PLOD3: variants seen among roughly 807,000 people sequenced by gnomAD.
PLOD3 encodes the protein procollagen-lysine,2-oxoglutarate 5-dioxygenase 3, also known as multifunctional procollagen lysine hydroxylase and glycosyltransferase LH3.
In PLOD3, 73 loss-of-function variants were observed where a neutral mutation model predicts 96.9. The observed-to-expected ratio is 0.75, with a 90% CI of 0.62 to 0.92. The LOEUF (loss-of-function observed/expected upper bound fraction) is 0.92. Ranked by LOEUF, PLOD3 falls within the 40% of genes least tolerant of loss-of-function variation. PLOD3 has a pLI of 0.00. For synonymous variants in PLOD3, 454 were observed against 413.7 expected, an observed-to-expected ratio of 1.10 and a Z score of -1.18; for missense variants, 1,004 against 1,004.3, an observed-to-expected ratio of 1.00 and a Z score of 0.00.
rs1798113705 is a variant in PLOD3 at position 101,207,828 on chromosome 7, G to A, written c.1789-104C>T. The stretch of plus-strand genomic sequence containing the variant: ...CCCGTCCTCCAGCCTTCACACCTGT[G>A]TTCCTCTGTGCAGAACAGTCTTCTT... On this transcript the variant is annotated intron_variant, in intron 16 of 18. Coordinates refer to ENST00000223127, the MANE Select transcript of PLOD3 (RefSeq NM_001084.5). 5.6e-6 allele frequency: 7 copies of A among 1,254,342 alleles called. No homozygotes were observed. The African/African-American group carries it at 5.9e-5, about 11-fold the overall frequency. The allele number at this position is 1,254,342 out of a possible 1,614,324, so 77.7% of individuals were successfully genotyped here. A position where few individuals can be genotyped will look rare whatever the true frequency, so the allele number is the denominator to read the frequency against.
In PLOD3 at chr7:101,211,917, GA is replaced by G; in HGVS notation, c.1160del (p.Phe387SerfsTer27). 2 of 1,610,684 alleles carry G rather than the reference GA, an allele frequency of 1.2e-6. No homozygotes were observed. Among genetic ancestry groups the G allele is most frequent in the Non-Finnish European group, 1.7e-6 (2 of 1,178,770 alleles). ...CAGCGTCGGCGTCCAGGCTGAAGTAGAACTCACACTCGGGGTCCTGCCGACA... is the reference window on the plus strand; with the variant it reads ...CAGCGTCGGCGTCCAGGCTGAAGTAGACTCACACTCGGGGTCCTGCCGACA... ...DLCRQDPECE[F>X]YFSLDADAVL... On this transcript the variant is annotated frameshift_variant, in exon 11 of 19. Coordinates refer to ENST00000223127, the MANE Select transcript of PLOD3 (RefSeq NM_001084.5). LOFTEE classifies it high-confidence loss of function.
intron 12 of PLOD3, chr7:101,211,356 T>G (rs1798177623): frequency 1.9e-6 from 1 of 520,972 alleles, no homozygotes; most frequent in Non-Finnish European, 3.4e-6. Context: ...ATATTTTAAG[T>G]TTTTTGTAGA....
chr7:101,216,841 G>C, intron 1 of PLOD3, 55 bp from the exon 2 acceptor site: 2 of 1,169,490 alleles, frequency 1.7e-6, no homozygotes, highest in Non-Finnish European at 2.5e-6. Flanking sequence ...CGGGCCTCAC[G>C]TGCTTTGCTG....
At chr7:101,208,805 C>T (rs1285596559) in intron 16 of PLOD3, 48 bp downstream of exon 16, 8 of 1,213,400 alleles carry the variant, frequency 6.6e-6, no homozygotes, top group Admixed American at 3.4e-5. Context: ...CCAGATCCTG[C>T]ACCTCCTCCT....
At chr7:101,211,750 G>T (rs2301904) in intron 11 of PLOD3, 34 bp from the exon 12 acceptor site, 1 of 1,596,838 alleles carries the variant, frequency 6.3e-7, no homozygotes, top group East Asian at 2.3e-5. Flanking sequence ...CTGGGCAGAC[G>T]GGAGCAGGCC....
In PLOD3 at chr7:101,217,169, G is replaced by A; in HGVS notation, c.106C>T (p.Pro36Ser). ...CCGGGCCTCCCCGGGATCTCACCTG[G>A]GTTGACCGGGTCTCGGCCCCGGGGC... ...DRPRGRDPVNPEKLLVITVAT... is the reference protein window; with the variant it reads ...DRPRGRDPVNSEKLLVITVAT... The change falls in exon 1 of 19, where the codon CCA (proline) becomes TCA (serine). Residue 36 changes from proline to serine, a missense_variant. Physicochemically the swap from Pro to Ser is moderately conservative, Grantham distance 74 (BLOSUM62 -1). This residue lies in a region of PLOD3 where 690 missense variants were observed against 650.2 expected (regional missense o/e 1.06). Coordinates refer to ENST00000223127, the MANE Select transcript of PLOD3 (RefSeq NM_001084.5). 10 of 1,489,820 alleles carry A rather than the reference G, an allele frequency of 6.7e-6. No individual in the cohort carries two copies. Among genetic ancestry groups the A allele is most frequent in the Non-Finnish European group, 8.9e-6 (10 of 1,121,248 alleles). 92.3% of individuals were successfully genotyped at this position (1,489,820 alleles called of 1,614,324 possible).
At chr7:101,210,838 A>G in intron 12 of PLOD3, 165 bp from the exon 13 acceptor site, 1 of 675,436 alleles carries the variant, frequency 1.5e-6, no homozygotes, top group South Asian at 1.8e-5. Flanking sequence ...ACCTCCCAAA[A>G]TGCGGTCAGT....
Position 101,206,233 on chromosome 7 carries a change from C to T in PLOD3, c.*48G>A, listed in dbSNP as rs757861115. The T allele has an allele frequency of 6.2e-7, 1 of 1,601,122 alleles. No homozygotes were observed. Among genetic ancestry groups the T allele is most frequent in the Non-Finnish European group, 8.6e-7 (1 of 1,168,536 alleles). On this transcript the variant is annotated 3_prime_UTR_variant, in exon 19 of 19. Coordinates refer to ENST00000223127, the MANE Select transcript of PLOD3 (RefSeq NM_001084.5). Reference sequence around the variant, plus strand: ...CAACTCCCAGGACGGGGGCCAGGCCCCCTAAAAAGGCACAATGGCAGGGCA... The same window carrying T: ...CAACTCCCAGGACGGGGGCCAGGCCTCCTAAAAAGGCACAATGGCAGGGCA...
rs976294981 is a variant in PLOD3 at position 101,212,250 on chromosome 7, C to T, written c.1127+3G>A. On this transcript the variant is annotated splice_donor_region_variant and intron_variant, in intron 10 of 18. Coordinates refer to ENST00000223127, the MANE Select transcript of PLOD3 (RefSeq NM_001084.5). ...CCTCTCCTCCCCGCAAGCACCCGCT[C>T]ACATGGCCATGTCCCTGGCCTCGCC... 1 of 1,612,400 alleles carries T rather than the reference C, an allele frequency of 6.2e-7. No homozygotes were observed. Among genetic ancestry groups the T allele is most frequent in the African/African-American group, 1.3e-5 (1 of 74,876 alleles).
intron 6 of PLOD3, among the ~76,000 whole-genome samples, chr7:101,214,284 G>A (rs1798234075): frequency 6.6e-6 from 1 of 151,252 alleles, no homozygotes; most frequent in African/African-American, 2.4e-5. Flanking sequence ...CCGCCACCAC[G>A]CCCAGCTCAT....
rs80179986 is a variant in PLOD3 at position 101,206,729 on chromosome 7, C to T, written c.2061+50G>A. 7.9e-4 allele frequency: 1,231 copies of T among 1,557,690 alleles called. 2 individuals carry two copies. The highest frequency in any genetic ancestry group is 3.8e-3 in the Admixed American group (198 of 52,182). ...TGCACGCAGGGGCTCTAGGTGGGGA[C>T]CCGAGGGTCCTGAGGTGAAGCGTGG... On this transcript the variant is annotated intron_variant, in intron 18 of 18. Transcript: ENST00000223127.
rs1231134106 is a variant in PLOD3 at position 101,211,879 on chromosome 7, A to T, written c.1199T>A (p.Leu400Gln). 2 of 1,612,712 alleles carry T rather than the reference A, an allele frequency of 1.2e-6. No individual in the cohort carries two copies. The highest frequency in any genetic ancestry group is 1.7e-6 in the Non-Finnish European group (2 of 1,179,518). ...CTCAATGAGGATACGCAGGGTCTGC[A>T]GGTTGGTGAGGACAGCGTCGGCGTC... is the stretch of plus-strand genomic sequence containing the variant. ...SLDADAVLTN[L>Q]QTLRILIEEN... The change falls in exon 11 of 19, where the codon CTG (leucine) becomes CAG (glutamine). Residue 400 changes from leucine (L) to glutamine (Q), a missense_variant. Physicochemically the swap from Leu to Gln is moderately radical, Grantham distance 113 (BLOSUM62 -2). Transcript: ENST00000223127.
chr7:101,209,375 TTTTTC>T (rs1013965100), intron 15 of PLOD3, among the ~76,000 whole-genome samples: 12 of 151,570 alleles, frequency 7.9e-5, no homozygotes, highest in African/African-American at 1.9e-4. Flanking sequence ...CCAAGCTAAT[TTTTTC>T]TTTTCTTTTT....
At chr7:101,211,411 G>A (rs1003116850) in intron 12 of PLOD3, 180 bp downstream of exon 12, 1 of 622,436 alleles carries the variant, frequency 1.6e-6, no homozygotes, top group Non-Finnish European at 2.8e-6. Flanking sequence ...AAACTCCCAG[G>A]CTCAAGCAGT....
chr7:101,215,369 C>T (rs943992968), intron 5 of PLOD3, among the ~76,000 whole-genome samples: 7 of 152,202 alleles, frequency 4.6e-5, no homozygotes, highest in African/African-American at 1.2e-4. Flanking sequence ...AGTGTCACCA[C>T]GCCTGGCTAA....
At chr7:101,213,891 G>A (rs918968590) in intron 6 of PLOD3, among the ~76,000 whole-genome samples, 2 of 151,878 alleles carry the variant, frequency 1.3e-5, no homozygotes, top group Non-Finnish European at 2.9e-5. Flanking sequence ...TAGAGACAGG[G>A]TTTCACCATG....
intron 10 of PLOD3, 63 bp from the exon 11 acceptor site, chr7:101,212,013 G>T (rs569998756): frequency 8.5e-7 from 1 of 1,170,892 alleles, no homozygotes; most frequent in Non-Finnish European, 1.2e-6. Flanking sequence ...GGGGTAACTG[G>T]CCCATGCCCC....
In PLOD3 at chr7:101,216,253, A is replaced by C. The variant is rs1562896059; in HGVS notation, c.412T>G (p.Phe138Val). 6.2e-7 allele frequency: 1 copy of C among 1,613,710 alleles called. No individual in the cohort carries two copies. The highest frequency in any genetic ancestry group is 1.7e-5 in the Admixed American group (1 of 60,016). Reference protein sequence around the residue: ...KFVQSGSRLLFSAESFCWPEW... With the variant: ...KFVQSGSRLLVSAESFCWPEW... Reference sequence around the variant, plus strand: ...GGCCAGCAGAAGCTCTCTGCAGAGAAGAGCAGGCGGCTGCCACTCTGGACG... The same window carrying C: ...GGCCAGCAGAAGCTCTCTGCAGAGACGAGCAGGCGGCTGCCACTCTGGACG... Residue 138 changes from phenylalanine to valine, a missense_variant, in exon 4 of 19, where the codon TTC becomes GTC. Around this residue, in one of 5 missense-constraint regions of PLOD3, gnomAD observed 690 missense variants for 650.2 expected, o/e 1.06. Coordinates refer to ENST00000223127, the MANE Select transcript of PLOD3 (RefSeq NM_001084.5).
At chr7:101,215,459 C>T (rs960688137) in intron 5 of PLOD3, among the ~76,000 whole-genome samples, 1 of 152,076 alleles carries the variant, frequency 6.6e-6, no homozygotes, top group Non-Finnish European at 1.5e-5. Flanking sequence ...GTGATCCACC[C>T]GCCTCAGCCT....
Sources: allele counts gnomAD v4.1 joint callset (sites outside exome capture counted in the v4.1 genomes callset), GRCh38; gene constraint gnomAD v4.1.1; regional missense constraint gnomAD v4.1.1; transcripts MANE v1.5; gene names NCBI Gene and HGNC (gene_info 2026-07-23, HGNC 2026-07-21).